AGBL4: variants seen among roughly 807,000 people sequenced by gnomAD.
The protein encoded by AGBL4 is AGBL carboxypeptidase 4, also known as cytosolic carboxypeptidase 6.
AGBL4 carries 58 observed loss-of-function variants against 66.4 expected under a neutral mutation model. That is an observed-to-expected ratio of 0.87 (90% CI 0.71 to 1.09). AGBL4 has a LOEUF of 1.09. AGBL4 is among the 50% of genes least tolerant of loss of function. The probability of loss-of-function intolerance (pLI) is 0.00; values close to 1 mark genes in which losing one functional copy is unlikely to be tolerated. For synonymous variants in AGBL4, 234 were observed against 222.9 expected (o/e 1.05, Z -0.44); for missense variants, 579 against 631.0 (o/e 0.92, Z 0.88).
chr1:48,979,258 G>C (rs921341960), intron 5 of AGBL4, among the ~76,000 whole-genome samples: 6 of 151,938 alleles, frequency 3.9e-5, no homozygotes, highest in African/African-American at 1.5e-4. Flanking sequence ...TTAAAATCTT[G>C]TGACACAGAG....
At chr1:49,179,938 G>A (rs61783579) in intron 4 of AGBL4, among the ~76,000 whole-genome samples, 3,776 of 150,112 alleles carry the variant, frequency 0.025, 144 homozygotes, top group Admixed American at 0.11. Context: ...TTTCGCTCTT[G>A]TTGCCCAGGC....
intron 5 of AGBL4, among the ~76,000 whole-genome samples, chr1:49,034,133 G>C (rs1557581359): frequency 6.6e-6 from 1 of 151,990 alleles, no homozygotes; most frequent in Non-Finnish European, 1.5e-5. Context: ...TTGCCATCTG[G>C]TTCTTTCTCA....
intron 5 of AGBL4, among the ~76,000 whole-genome samples, chr1:49,022,776 A>G (rs1239020577): frequency 1.3e-5 from 2 of 152,206 alleles, no homozygotes; most frequent in African/African-American, 2.4e-5. Flanking sequence ...ATAGGTATTA[A>G]TAAGGTGTAT....
intron 5 of AGBL4, among the ~76,000 whole-genome samples, chr1:49,007,651 G>A (rs1352410077): frequency 1.3e-5 from 2 of 151,940 alleles, no homozygotes; most frequent in African/African-American, 4.8e-5. Flanking sequence ...CCCTCAAAGG[G>A]AAGCCCATCA....
chr1:49,594,391 A>T, intron 3 of AGBL4, among the ~76,000 whole-genome samples: 1 of 152,196 alleles, frequency 6.6e-6, no homozygotes. Flanking sequence ...ACAAGTGCAG[A>T]ACATGCAGGT....
At chr1:49,613,962 T>C (rs576091851) in intron 3 of AGBL4, among the ~76,000 whole-genome samples, 17 of 152,276 alleles carry the variant, frequency 1.1e-4, no homozygotes, top group African/African-American at 4.1e-4. Flanking sequence ...ATGTGAGAAA[T>C]GGAAAATATG....
rs960430161 is a variant in AGBL4 at position 49,348,438 on chromosome 1, T to TA, written c.283-102575dup. Among the ~76,000 whole-genome samples, 108 of 147,978 alleles carry TA rather than the reference T, an allele frequency of 7.3e-4. 1 individual carries two copies. The highest frequency in any genetic ancestry group is 2.6e-3 in the African/African-American group (105 of 40,082). Reference sequence around the variant, plus strand: ...TCCGTCTCAAAAAAAAAAATAAAAATAAAAAAAAGGAAGACAGACGGAAAT... The same window carrying TA: ...TCCGTCTCAAAAAAAAAAATAAAAATAAAAAAAAAGGAAGACAGACGGAAAT... On this transcript the variant is annotated intron_variant, in intron 3 of 13. Coordinates refer to ENST00000371839, the MANE Select transcript of AGBL4 (RefSeq NM_032785.4).
At chr1:49,787,216 A>T (rs1311260823) in intron 2 of AGBL4, among the ~76,000 whole-genome samples, 4 of 152,152 alleles carry the variant, frequency 2.6e-5, no homozygotes, top group Admixed American at 2.6e-4. Flanking sequence ...ACCCTAACAA[A>T]GATTGGCCGG....
rs1010409778 is a variant in AGBL4, at chr1:48,588,795, G to A, written c.1105-1629C>T. On this transcript the variant is annotated intron_variant, in intron 10 of 13. Transcript: ENST00000371839. ...TCCTGTTTTAGAGTTGGGCATTGAG[G>A]ATCAGAGAAGAGAAGAGAAGAGAAG... Among the ~76,000 whole-genome samples the A allele has an allele frequency of 4.1e-5, 6 of 147,114 alleles. No individual in the cohort carries two copies. The East Asian group carries it at 1.2e-3, about 30-fold the overall frequency.
intron 1 of AGBL4, among the ~76,000 whole-genome samples, chr1:49,900,099 C>G (rs1056075080): frequency 8.6e-5 from 13 of 151,986 alleles, no homozygotes; most frequent in Non-Finnish European, 2.9e-5. Context: ...AAATAACCAA[C>G]AACTCTATCA....
intron 3 of AGBL4, among the ~76,000 whole-genome samples, chr1:49,434,668 G>GGTGGTA (rs1553201454): frequency 1.3e-5 from 2 of 151,616 alleles, no homozygotes; most frequent in Non-Finnish European, 3.0e-5. Flanking sequence ...TGGTGGTGGT[G>GGTGGTA]GTGGTAGTGG....
chr1:49,043,395 G>A (rs1209748957), intron 5 of AGBL4, among the ~76,000 whole-genome samples: 3 of 152,048 alleles, frequency 2.0e-5, no homozygotes, highest in Non-Finnish European at 4.4e-5. Flanking sequence ...ATTATCTTAG[G>A]CTAACTGTGT....
chr1:49,650,790 G>C (rs1377530994), intron 3 of AGBL4, among the ~76,000 whole-genome samples: 1 of 152,220 alleles, frequency 6.6e-6, no homozygotes, highest in Non-Finnish European at 1.5e-5. Context: ...GTCCCTATCT[G>C]TGAAGCGGGT....
intron 4 of AGBL4, among the ~76,000 whole-genome samples, chr1:49,177,648 C>A (rs12407522): frequency 0.026 from 3,996 of 152,102 alleles, 154 homozygotes; most frequent in Admixed American, 0.11. Context: ...TGTCTTCTGC[C>A]TGGATGTGCT....
chr1:48,653,042 G>A (rs961846648), intron 8 of AGBL4, among the ~76,000 whole-genome samples: 2 of 152,250 alleles, frequency 1.3e-5, no homozygotes, highest in Middle Eastern at 3.4e-3. Context: ...CCCAGAGAGG[G>A]AAAAGTGGAC....
At chr1:48,877,261 C>T (rs891453285) in intron 5 of AGBL4, among the ~76,000 whole-genome samples, 1 of 152,048 alleles carries the variant, frequency 6.6e-6, no homozygotes, top group Non-Finnish European at 1.5e-5. Context: ...ATATTTAGTT[C>T]GTAATTAGTT....
intron 4 of AGBL4, among the ~76,000 whole-genome samples, chr1:49,094,994 T>C (rs1183283303): frequency 1.3e-5 from 2 of 152,168 alleles, no homozygotes; most frequent in Non-Finnish European, 2.9e-5. Context: ...AGTCTCAGGA[T>C]ACAAAATCAA....
chr1:48,709,518 T>C (rs377291147), intron 6 of AGBL4, among the ~76,000 whole-genome samples: 1 of 151,978 alleles, frequency 6.6e-6, no homozygotes. Context: ...TATTCTTGCA[T>C]TGCACTTTAC....
chr1:49,591,281 G>T (rs28641917), intron 3 of AGBL4, among the ~76,000 whole-genome samples: 8,097 of 151,456 alleles, frequency 0.053, 242 homozygotes, highest in African/African-American at 0.071. Flanking sequence ...GAATGACCTT[G>T]AAAAAAAGGG....
Sources: gnomAD v4.1 joint callset for allele counts (sites outside exome capture counted in the v4.1 genomes callset) on GRCh38, gnomAD v4.1.1 for gene constraint, MANE v1.5 for transcripts, NCBI Gene and HGNC (gene_info 2026-07-23, HGNC 2026-07-21) for gene names.